ATP8A2: variants seen among roughly 807,000 people sequenced by gnomAD.
The protein encoded by ATP8A2 is ATPase phospholipid transporting 8A2.
In ATP8A2, 100 loss-of-function variants were observed where a neutral mutation model predicts 165.6. The observed-to-expected ratio is 0.60, with a 90% CI of 0.51 to 0.71. The LOEUF (loss-of-function observed/expected upper bound fraction) is 0.71. Among genes scored for constraint, ATP8A2 ranks in the 30% least tolerant of loss-of-function variants. ATP8A2 has a pLI of 0.00. For synonymous variants in ATP8A2, 543 were observed against 548.8 expected, an observed-to-expected ratio of 0.99 and a Z score of 0.15; for missense variants, 1,227 against 1,479.5, an observed-to-expected ratio of 0.83 and a Z score of 2.80.
At chr13:25,881,678 A>G (rs1251719068) in intron 33 of ATP8A2, among the ~76,000 whole-genome samples, 2 of 152,078 alleles carry the variant, frequency 1.3e-5, no homozygotes, top group Non-Finnish European at 2.9e-5. Context: ...AGAAGTCACC[A>G]TTTGCCTGTG....
intron 16 of ATP8A2, among the ~76,000 whole-genome samples, chr13:25,567,838 TG>T (rs1394307728): frequency 6.6e-6 from 1 of 152,184 alleles, no homozygotes; most frequent in African/African-American, 2.4e-5. Flanking sequence ...TGGGGAGATG[TG>T]GGATTGAATT....
At position 25,814,737 on chromosome 13, in the gene ATP8A2, C is replaced by T. The variant is rs558977991; in HGVS notation, c.2680-13381C>T. On this transcript the variant is annotated intron_variant, in intron 27 of 36. Transcript: ENST00000381655. Reference sequence around the variant, plus strand: ...ACCATATGAAAAAGATAATTCAGGACAGATGCAGTGGCTCACACCTGTAAT... The same window carrying T: ...ACCATATGAAAAAGATAATTCAGGATAGATGCAGTGGCTCACACCTGTAAT... Among the ~76,000 whole-genome samples, 42 of 151,840 alleles carry T rather than the reference C, an allele frequency of 2.8e-4. No individual in the cohort carries two copies. The South Asian group carries it at 7.9e-3, about 29-fold the overall frequency.
chr13:25,924,057 C>A (rs924874704), intron 33 of ATP8A2, among the ~76,000 whole-genome samples: 3 of 152,214 alleles, frequency 2.0e-5, no homozygotes, highest in Non-Finnish European at 4.4e-5. Context: ...CAGCCTGCTT[C>A]CCCCATCTGC....
chr13:25,935,136 T>C (rs969705530), intron 33 of ATP8A2, among the ~76,000 whole-genome samples: 5 of 152,246 alleles, frequency 3.3e-5, no homozygotes, highest in African/African-American at 1.2e-4. Context: ...CTCAGGCTTA[T>C]GGAAATTAAG....
chr13:25,513,315 A>G (rs1731981015), intron 2 of ATP8A2, among the ~76,000 whole-genome samples: 3 of 149,850 alleles, frequency 2.0e-5, no homozygotes, highest in South Asian at 4.3e-4. Context: ...CTCACATCCC[A>G]GACGGGGCGG....
intron 16 of ATP8A2, among the ~76,000 whole-genome samples, 200 bp from the exon 17 acceptor site, chr13:25,570,567 T>C (rs904584174): frequency 6.6e-6 from 1 of 152,084 alleles, no homozygotes; most frequent in Non-Finnish European, 1.5e-5. Context: ...AACCTGGGGA[T>C]TAGTGCGCGT....
intron 24 of ATP8A2, among the ~76,000 whole-genome samples, chr13:25,629,483 A>G (rs758651058): frequency 6.6e-6 from 1 of 152,172 alleles, no homozygotes; most frequent in Non-Finnish European, 1.5e-5. Context: ...TCCAATCACC[A>G]TTAGTAATAC....
chr13:25,540,181 C>G (rs1334533688), intron 7 of ATP8A2, 138 bp from the exon 8 acceptor site: 1 of 659,422 alleles, frequency 1.5e-6, no homozygotes, highest in Admixed American at 2.5e-5. Context: ...ATCCATTACT[C>G]CTACTATCGT....
intron 1 of ATP8A2, among the ~76,000 whole-genome samples, chr13:25,444,251 T>G (rs980288787): frequency 6.6e-6 from 1 of 152,228 alleles, no homozygotes; most frequent in Admixed American, 6.5e-5. Flanking sequence ...CAGTGGTGTG[T>G]GGTATTCTGC....
At chr13:25,807,424 C>G (rs984006146) in intron 27 of ATP8A2, among the ~76,000 whole-genome samples, 1 of 152,050 alleles carries the variant, frequency 6.6e-6, no homozygotes, top group Non-Finnish European at 1.5e-5. Context: ...GTACCAGTAC[C>G]ATTTACTGAA....
At chr13:25,663,750 G>A (rs1392818833) in intron 24 of ATP8A2, among the ~76,000 whole-genome samples, 1 of 152,114 alleles carries the variant, frequency 6.6e-6, no homozygotes, top group African/African-American at 2.4e-5. Context: ...TTTGAGTTTT[G>A]CCTCTATTCT....
chr13:25,415,972 G>T (rs1289902371), intron 1 of ATP8A2, among the ~76,000 whole-genome samples: 7 of 152,074 alleles, frequency 4.6e-5, no homozygotes, highest in African/African-American at 1.4e-4. Context: ...GAGACCACAG[G>T]TGTTCACCAC....
Position 25,940,745 on chromosome 13 carries a change from G to A in ATP8A2, c.3184-20830G>A, listed in dbSNP as rs373068332. 1.5e-4 allele frequency among the ~76,000 whole-genome samples: 23 copies of A among 152,286 alleles called. No homozygotes were observed. In the East Asian group the frequency reaches 1.7e-3, roughly 12 times the overall value. ...GGTTCACCCCTCAGCAGGTGCAGGCGGCCCTCCCCACAGAGGACTAGCCTG... is the reference window on the plus strand; with the variant it reads ...GGTTCACCCCTCAGCAGGTGCAGGCAGCCCTCCCCACAGAGGACTAGCCTG... On this transcript the variant is annotated intron_variant, in intron 33 of 36. Coordinates refer to ENST00000381655, the MANE Select transcript of ATP8A2 (RefSeq NM_016529.6).
intron 24 of ATP8A2, among the ~76,000 whole-genome samples, chr13:25,647,781 G>A (rs2041712054): frequency 6.6e-6 from 1 of 151,868 alleles, no homozygotes; most frequent in South Asian, 2.1e-4. Flanking sequence ...TGCCTTCTGG[G>A]TTCAAGTGAT....
chr13:25,929,909 A>C (rs1026744795), intron 33 of ATP8A2, among the ~76,000 whole-genome samples: 2 of 152,074 alleles, frequency 1.3e-5, no homozygotes, highest in South Asian at 2.1e-4. Flanking sequence ...GCTTTTCCCT[A>C]ATGTCACTGA....
chr13:25,571,899 CCACATGTCTTTCATA>C, intron 18 of ATP8A2: 1 of 591,804 alleles, frequency 1.7e-6, no homozygotes, highest in Non-Finnish European at 3.1e-6. Context: ...AGATGCTTTT[CCACATGTCTTTCATA>C]CACTGATGTG....
intron 27 of ATP8A2, among the ~76,000 whole-genome samples, chr13:25,778,551 A>G (rs1370659603): frequency 1.3e-5 from 2 of 152,200 alleles, no homozygotes; most frequent in Non-Finnish European, 1.5e-5. Context: ...CGCTAGTTTC[A>G]CTTCCTTGAC....
At chr13:25,577,239 C>T in intron 20 of ATP8A2, 101 bp downstream of exon 20, 1 of 1,045,928 alleles carries the variant, frequency 9.6e-7, no homozygotes, top group Non-Finnish European at 1.5e-6. Flanking sequence ...GATTGTTTGT[C>T]CAGAGTTGAA....
intron 35 of ATP8A2, among the ~76,000 whole-genome samples, chr13:25,977,168 C>T (rs969258454): frequency 1.3e-5 from 2 of 151,966 alleles, no homozygotes; most frequent in Non-Finnish European, 2.9e-5. Flanking sequence ...CCAATTTCCA[C>T]CCACAGTCAC....
Sources: allele counts gnomAD v4.1 joint callset (sites outside exome capture counted in the v4.1 genomes callset), GRCh38; gene constraint gnomAD v4.1.1; transcripts MANE v1.5; gene names NCBI Gene and HGNC (gene_info 2026-07-23, HGNC 2026-07-21).